The following EIF4G3 variants were observed in gnomAD, a reference collection of about 807,000 sequenced individuals.
EIF4G3 encodes the protein eIF-4-gamma 3.
A neutral mutation model predicts 186.4 loss-of-function variants in EIF4G3; 34 were observed. That is an observed-to-expected ratio of 0.18 (90% CI 0.14 to 0.24). The LOEUF (loss-of-function observed/expected upper bound fraction) is 0.24. EIF4G3 is among the 10% of genes least tolerant of loss of function. EIF4G3 has a pLI of 1.00. For synonymous variants in EIF4G3, 673 were observed against 679.5 expected (o/e 0.99, Z 0.15); for missense variants, 1,536 against 1,948.5 (o/e 0.79, Z 3.99).
intron 4 of EIF4G3, among the ~76,000 whole-genome samples, chr1:21,016,223 A>G (rs1311820357): frequency 1.3e-5 from 2 of 152,228 alleles, no homozygotes; most frequent in Admixed American, 6.5e-5. Flanking sequence ...CTTAAAATAC[A>G]TATTTATAAC....
chr1:21,011,441 C>G (rs1270474875), intron 4 of EIF4G3, among the ~76,000 whole-genome samples: 1 of 152,178 alleles, frequency 6.6e-6, no homozygotes, highest in Non-Finnish European at 1.5e-5. Context: ...TATCTAACTA[C>G]AGTACAGTAC....
At chr1:21,084,076 G>A (rs1391921719) in intron 3 of EIF4G3, among the ~76,000 whole-genome samples, 1 of 151,998 alleles carries the variant, frequency 6.6e-6, no homozygotes, top group Admixed American at 6.6e-5. Flanking sequence ...CAGCCACAGT[G>A]ACCTTTTAAA....
At chr1:21,128,424 C>T (rs1257009508) in intron 2 of EIF4G3, among the ~76,000 whole-genome samples, 2 of 146,370 alleles carry the variant, frequency 1.4e-5, no homozygotes, top group African/African-American at 2.5e-5. Flanking sequence ...GCAGCAGAAT[C>T]GCTGGAACCT....
chr1:20,962,919 G>A (rs7530741), intron 12 of EIF4G3, among the ~76,000 whole-genome samples: 5 of 123,812 alleles, frequency 4.0e-5, no homozygotes, highest in Non-Finnish European at 8.9e-5. Flanking sequence ...TTTTTTTTTT[G>A]TTTTTTTTTT....
At chr1:21,083,517 T>C (rs2095862080) in intron 3 of EIF4G3, among the ~76,000 whole-genome samples, 1 of 149,294 alleles carries the variant, frequency 6.7e-6, no homozygotes, top group Admixed American at 6.7e-5. Flanking sequence ...AGAGACAGGG[T>C]TTCACCATGT....
At chr1:20,969,697 AATATCAAAGGTGATAAT>A in intron 11 of EIF4G3, 101 bp from the exon 12 acceptor site, 1 of 1,110,560 alleles carries the variant, frequency 9.0e-7, no homozygotes, top group Non-Finnish European at 1.3e-6. Context: ...AAACCTGTCA[AATATCAAAGGTGATAAT>A]CACCACATTT....
chr1:20,812,902 C>T (rs1055076571), intron 35 of EIF4G3, among the ~76,000 whole-genome samples: 10 of 152,112 alleles, frequency 6.6e-5, no homozygotes, highest in South Asian at 4.1e-4. Context: ...AAAAGCTACA[C>T]GCAACGTAGT....
At chr1:20,937,810 A>C (rs1277354134) in intron 14 of EIF4G3, among the ~76,000 whole-genome samples, 1 of 152,220 alleles carries the variant, frequency 6.6e-6, no homozygotes, top group Non-Finnish European at 1.5e-5. Flanking sequence ...ACAGAGAATA[A>C]ACAATAAAAA....
chr1:21,100,060 C>T (rs149454631), intron 2 of EIF4G3, among the ~76,000 whole-genome samples: 125 of 152,246 alleles, frequency 8.2e-4, no homozygotes, highest in Non-Finnish European at 1.4e-3. Flanking sequence ...ATGTACATTA[C>T]GGATAAACCT....
At chr1:20,868,288 G>A (rs571056683) in intron 20 of EIF4G3, among the ~76,000 whole-genome samples, 2 of 151,908 alleles carry the variant, frequency 1.3e-5, no homozygotes, top group East Asian at 1.9e-4. Flanking sequence ...AACAATGGAA[G>A]TTTATTTCTC....
At chr1:21,141,399 A>G (rs199626731) in intron 2 of EIF4G3, among the ~76,000 whole-genome samples, 826 of 42,834 alleles carry the variant, frequency 0.019, 8 homozygotes, top group African/African-American at 0.058. Context: ...GTGTGTGTGT[A>G]TGTGTAGTTC....
chr1:20,816,473 G>A (rs1290426915), intron 34 of EIF4G3, among the ~76,000 whole-genome samples: 3 of 94,034 alleles, frequency 3.2e-5, no homozygotes, highest in Non-Finnish European at 6.6e-5. Context: ...CCGGCCAGTC[G>A]CCCCGTCCGG....
At chr1:21,046,610 AATTC>A (rs781323029) in intron 4 of EIF4G3, among the ~76,000 whole-genome samples, 30 of 152,260 alleles carry the variant, frequency 2.0e-4, no homozygotes, top group Non-Finnish European at 3.5e-4. Context: ...AAAAAGATTT[AATTC>A]ACAGAAGAAG....
At chr1:20,926,969 A>G (rs1392574639) in intron 14 of EIF4G3, among the ~76,000 whole-genome samples, 3 of 152,168 alleles carry the variant, frequency 2.0e-5, no homozygotes, top group African/African-American at 7.2e-5. Context: ...TGACATAATT[A>G]TATGTTTAAG....
intron 2 of EIF4G3, among the ~76,000 whole-genome samples, chr1:21,128,182 G>T (rs1313290742): frequency 6.6e-6 from 1 of 151,068 alleles, no homozygotes; most frequent in Non-Finnish European, 1.5e-5. Flanking sequence ...ACTCCAGCCT[G>T]GGCGACAGAG....
chr1:20,865,768 G>A (rs2077424199), intron 20 of EIF4G3, among the ~76,000 whole-genome samples: 1 of 151,890 alleles, frequency 6.6e-6, no homozygotes, highest in Non-Finnish European at 1.5e-5. Context: ...TTTTCATTGG[G>A]GAATGTCATA....
At chr1:21,083,270 T>C (rs2095852514) in intron 3 of EIF4G3, among the ~76,000 whole-genome samples, 1 of 151,954 alleles carries the variant, frequency 6.6e-6, no homozygotes, top group Non-Finnish European at 1.5e-5. Flanking sequence ...GTGGAGACTA[T>C]CACACTTTAA....
chr1:20,822,195 A>T (rs1293369376), intron 33 of EIF4G3, among the ~76,000 whole-genome samples: 1 of 152,122 alleles, frequency 6.6e-6, no homozygotes, highest in Non-Finnish European at 1.5e-5. Context: ...ATTGACATAA[A>T]GATTATTCAT....
At chr1:21,042,626 G>A (rs759590098) in intron 4 of EIF4G3, among the ~76,000 whole-genome samples, 3 of 151,994 alleles carry the variant, frequency 2.0e-5, no homozygotes, top group Non-Finnish European at 2.9e-5. Flanking sequence ...GCATGCTCCC[G>A]TCCACTACAA....
Sources: allele counts gnomAD v4.1 joint callset (sites outside exome capture counted in the v4.1 genomes callset), GRCh38; gene constraint gnomAD v4.1.1; transcripts MANE v1.5; gene names NCBI Gene and HGNC (gene_info 2026-07-23, HGNC 2026-07-21).